The following WDR17 variants were observed in gnomAD, a reference collection of about 807,000 sequenced individuals.
WDR17 encodes the protein WD repeat-containing protein 17.
WDR17 carries 143 observed loss-of-function variants against 161.7 expected under a neutral mutation model. The observed-to-expected ratio is 0.88, with a 90% CI of 0.77 to 1.02. The LOEUF is 1.02. Among genes scored for constraint, WDR17 ranks in the 50% least tolerant of loss-of-function variants. The pLI is 0.00. For missense variants in WDR17, 1,469 were observed against 1,520.9 expected (o/e 0.97, Z 0.57); for synonymous variants, 517 against 515.6 (o/e 1.00, Z -0.04).
At chr4:176,070,619 TC>T (rs1257379822) in intron 1 of WDR17, among the ~76,000 whole-genome samples, 1 of 151,708 alleles carries the variant, frequency 6.6e-6, no homozygotes, top group South Asian at 2.1e-4. Context: ...GCTCAATCAA[TC>T]CCCCCACAGC....
intron 1 of WDR17, among the ~76,000 whole-genome samples, chr4:176,089,671 T>C (rs1476111417): frequency 1.3e-5 from 2 of 152,026 alleles, no homozygotes; most frequent in Non-Finnish European, 2.9e-5. Context: ...TATATATGAG[T>C]GTTGAGTGAG....
intron 8 of WDR17, among the ~76,000 whole-genome samples, chr4:176,135,724 A>T (rs1744294056): frequency 6.6e-6 from 1 of 151,548 alleles, no homozygotes; most frequent in African/African-American, 2.4e-5. Flanking sequence ...CCATCATAAG[A>T]TCTTATCTCT....
At chr4:176,067,946 C>T (rs1403252652) in intron 1 of WDR17, among the ~76,000 whole-genome samples, 1 of 152,156 alleles carries the variant, frequency 6.6e-6, no homozygotes, top group Non-Finnish European at 1.5e-5. Context: ...CTCCAGAGTA[C>T]CTGATTTTGT....
chr4:176,067,104 G>A lies in WDR17; in HGVS notation c.-7+1025G>A, dbSNP rs114384195. 9.1e-3 allele frequency among the ~76,000 whole-genome samples: 1,386 copies of A among 152,306 alleles called. 15 individuals carry two copies. The highest frequency in any genetic ancestry group is 0.031 in the African/African-American group (1,282 of 41,560). ...CTGGGCGGGTGGTGAAACAAACTCTGTGGAGAAAGCACTCTTACATCCTTT... is the reference window on the plus strand; with the variant it reads ...CTGGGCGGGTGGTGAAACAAACTCTATGGAGAAAGCACTCTTACATCCTTT... On this transcript the variant is annotated intron_variant, in intron 1 of 28. Transcript: ENST00000508596.
chr4:176,141,553 C>G (rs1745256132), intron 10 of WDR17, among the ~76,000 whole-genome samples: 1 of 152,102 alleles, frequency 6.6e-6, no homozygotes, highest in African/African-American at 2.4e-5. Context: ...CCTCAGCCTC[C>G]TGAGTAGCTG....
At chr4:176,125,721 G>A (rs1318597013) in intron 5 of WDR17, among the ~76,000 whole-genome samples, 1 of 152,170 alleles carries the variant, frequency 6.6e-6, no homozygotes, top group Non-Finnish European at 1.5e-5. Context: ...CCTGATGGGA[G>A]CTTTATTAGC....
At chr4:176,086,809 TTTTC>T (rs1219620686) in intron 1 of WDR17, among the ~76,000 whole-genome samples, 2 of 151,672 alleles carry the variant, frequency 1.3e-5, no homozygotes, top group Non-Finnish European at 3.0e-5. Context: ...TATACAAACT[TTTTC>T]TTATTTACAG....
At chr4:176,080,781 A>G (rs754451877) in intron 1 of WDR17, among the ~76,000 whole-genome samples, 1 of 151,848 alleles carries the variant, frequency 6.6e-6, no homozygotes, top group Non-Finnish European at 1.5e-5. Flanking sequence ...ATTTTTATTT[A>G]TTGTATCTCT....
At chr4:176,077,121 ATAGTAC>A (rs1734147316) in intron 1 of WDR17, among the ~76,000 whole-genome samples, 1 of 150,928 alleles carries the variant, frequency 6.6e-6, no homozygotes, top group Admixed American at 6.6e-5. Context: ...TCCTTAGAGT[ATAGTAC>A]TACTGTCTTA....
chr4:176,135,836 A>C (rs1744309209), intron 8 of WDR17, among the ~76,000 whole-genome samples: 1 of 151,648 alleles, frequency 6.6e-6, no homozygotes. Context: ...CATAACAAAT[A>C]ATTTCACACA....
At chr4:176,087,649 T>C (rs1735588610) in intron 1 of WDR17, among the ~76,000 whole-genome samples, 1 of 152,134 alleles carries the variant, frequency 6.6e-6, no homozygotes, top group African/African-American at 2.4e-5. Flanking sequence ...GCATACCTTA[T>C]CTGTCTCTTA....
intron 1 of WDR17, among the ~76,000 whole-genome samples, chr4:176,075,638 A>T (rs1007656662): frequency 6.6e-6 from 1 of 152,156 alleles, no homozygotes; most frequent in Admixed American, 6.6e-5. Context: ...ATTGCCTTCT[A>T]AATCTTTCCA....
chr4:176,111,560 A>T lies in WDR17; in HGVS notation c.-6-15A>T, dbSNP rs753174298. The T allele has an allele frequency of 1.3e-6, 2 of 1,593,930 alleles. No individual in the cohort carries two copies. ...AATGGAAATCACTGACATTTCTTCA[A>T]ATTTGTTTTTCAAGGCAAACATGTC... is the stretch of plus-strand genomic sequence containing the variant. On this transcript the variant is annotated splice_polypyrimidine_tract_variant and intron_variant, in intron 1 of 28. Transcript: ENST00000508596.
At chr4:176,162,306 T>A in intron 21 of WDR17, 132 bp downstream of exon 21, 1 of 666,472 alleles carries the variant, frequency 1.5e-6, no homozygotes, top group Non-Finnish European at 2.5e-6. Context: ...AGTAATTAAG[T>A]AATTACATTC....
chr4:176,096,163 T>C (rs1057263437), intron 1 of WDR17, among the ~76,000 whole-genome samples: 1 of 152,094 alleles, frequency 6.6e-6, no homozygotes, highest in Non-Finnish European at 1.5e-5. Context: ...TTTTTATGGA[T>C]ACCTTATTTT....
At chr4:176,099,245 CAAAATT>C (rs1737404365) in intron 1 of WDR17, among the ~76,000 whole-genome samples, 2 of 152,156 alleles carry the variant, frequency 1.3e-5, no homozygotes, top group East Asian at 1.9e-4. Context: ...TCACTGCCCT[CAAAATT>C]ATTGAGATAG....
chr4:176,086,502 A>T (rs1370169310), intron 1 of WDR17, among the ~76,000 whole-genome samples: 1 of 151,816 alleles, frequency 6.6e-6, no homozygotes, highest in Admixed American at 6.6e-5. Flanking sequence ...CAGTTTTAGG[A>T]TTATTATACA....
rs754903806 is a variant in WDR17, at chr4:176,156,090, C to T, written c.2472C>T (p.Ala824=). Residue 824 remains alanine, a synonymous_variant, in exon 18 of 29, where the codon GCC becomes GCT. Transcript: ENST00000508596. ...LMVELGEWDK[A]LSIAPGVSVK... is the part of the protein sequence containing the mutation. Reference sequence around the variant, plus strand: ...GCCTTCTATTGTAGTGGGACAAAGCCCTGTCAATTGCACCAGGAGTCTCTG... The same window carrying T: ...GCCTTCTATTGTAGTGGGACAAAGCTCTGTCAATTGCACCAGGAGTCTCTG... 2 of 1,613,356 alleles carry T rather than the reference C, an allele frequency of 1.2e-6. No individual in the cohort carries two copies. The highest frequency in any genetic ancestry group is 1.1e-5 in the South Asian group (1 of 90,996).
At chr4:176,096,376 C>T (rs1736856755) in intron 1 of WDR17, 1 of 470,734 alleles carries the variant, frequency 2.1e-6, no homozygotes, top group Non-Finnish European at 3.8e-6. Flanking sequence ...AATATTTGTG[C>T]AGTTCTAGCC....
Sources: allele counts gnomAD v4.1 joint callset (sites outside exome capture counted in the v4.1 genomes callset), GRCh38; gene constraint gnomAD v4.1.1; transcripts MANE v1.5; gene names NCBI Gene and HGNC (gene_info 2026-07-23, HGNC 2026-07-21).